SDF2: variants seen among roughly 807,000 people sequenced by gnomAD.
SDF2 encodes stromal cell-derived factor 2.
Under a neutral mutation model 20.5 loss-of-function variants are expected in SDF2, and 12 were observed. That is an observed-to-expected ratio of 0.58 (90% CI 0.37 to 0.95). The LOEUF (loss-of-function observed/expected upper bound fraction) is 0.95, where lower values mean the gene tolerates loss of function less well. Ranked by LOEUF, SDF2 falls within the 40% of genes least tolerant of loss-of-function variation. The pLI, the probability that SDF2 is intolerant of heterozygous loss-of-function variation, is 0.01. For missense variants in SDF2, 238 were observed against 263.1 expected (o/e 0.90, Z 0.66); for synonymous variants, 100 against 101.0 (o/e 0.99, Z 0.06).
intron 1 of SDF2, chr17:28,656,098 G>A (rs987630972): frequency 3.3e-5 from 5 of 151,648 alleles, no homozygotes; most frequent in African/African-American, 1.2e-4. Context: ...AAGAAGGGGT[G>A]GGGAGAAAAA....
intron 1 of SDF2, 52 bp downstream of exon 1, chr17:28,661,674 C>T: frequency 6.3e-7 from 1 of 1,583,450 alleles, no homozygotes; most frequent in South Asian, 1.1e-5. Flanking sequence ...CCCCGCCCCT[C>T]CAGAGCCTCC....
chr17:28,661,584 T>G lies in SDF2; in HGVS notation c.151+142A>C, dbSNP rs376116202. 1.9e-5 allele frequency: 16 copies of G among 834,046 alleles called. No individual in the cohort carries two copies. In the East Asian group the frequency reaches 2.5e-4, roughly 13 times the overall value. 51.7% of individuals were successfully genotyped at this position (834,046 alleles called of 1,614,324 possible). A position where few individuals can be genotyped will look rare whatever the true frequency, so the allele number is the denominator to read the frequency against. On this transcript the variant is annotated intron_variant, in intron 1 of 2. Transcript: ENST00000247020. ...ATTAAGATGCCTTAGAACAATTCAG[T>G]TCTCCGACTCTCTAGACCTGAGGAA...
rs746638847 is a variant in SDF2, at chr17:28,649,024, A to G, written c.601T>C (p.Leu201=). The change falls in exon 3 of 3, where the codon TTG becomes CTG. Residue 201 remains leucine, a synonymous_variant. Transcript: ENST00000247020. Reference sequence around the variant, plus strand: ...GCATGGTGGGCTTCTGCCTTCAACAACTCACTGGGCTTCATGAAGATGCCT... The same window carrying G: ...GCATGGTGGGCTTCTGCCTTCAACAGCTCACTGGGCTTCATGAAGATGCCT... ...MEGIFMKPSE[L]LKAEAHHAEL is the part of the protein sequence containing the mutation. The G allele has an allele frequency of 9.3e-6, 15 of 1,614,170 alleles. No individual in the cohort carries two copies. The South Asian group carries it at 1.5e-4, about 17-fold the overall frequency.
At chr17:28,658,200 C>T (rs1327548004) in intron 1 of SDF2, among the ~76,000 whole-genome samples, 1 of 151,942 alleles carries the variant, frequency 6.6e-6, no homozygotes, top group East Asian at 1.9e-4. Context: ...AATCCTTATA[C>T]CTTGGGATTA....
intron 2 of SDF2, 25 bp from the exon 3 acceptor site, chr17:28,649,301 A>G (rs1170674758): frequency 6.2e-7 from 1 of 1,607,560 alleles, no homozygotes; most frequent in African/African-American, 1.3e-5. Context: ...AGGTAGTAAC[A>G]TCAGCATGGC....
intron 2 of SDF2, among the ~76,000 whole-genome samples, chr17:28,650,904 G>C (rs1009435056): frequency 6.9e-6 from 1 of 144,514 alleles, no homozygotes; most frequent in African/African-American, 2.6e-5. Context: ...CTCACCTCCT[G>C]AGTAGCTAAG....
chr17:28,661,256 C>A (rs1352580081), intron 1 of SDF2: 1 of 428,484 alleles, frequency 2.3e-6, no homozygotes, highest in Non-Finnish European at 4.6e-6. Context: ...CGAGTGAGCT[C>A]TTGGAGTTTA....
At chr17:28,658,731 C>T (rs1045426732) in intron 1 of SDF2, among the ~76,000 whole-genome samples, 6 of 152,258 alleles carry the variant, frequency 3.9e-5, no homozygotes, top group Middle Eastern at 3.4e-3. Flanking sequence ...TCGACAAAAC[C>T]GCCATCGTCA....
intron 2 of SDF2, among the ~76,000 whole-genome samples, chr17:28,655,060 C>T (rs917104152): frequency 3.9e-5 from 6 of 152,182 alleles, no homozygotes; most frequent in Admixed American, 6.5e-5. Flanking sequence ...AACCCAGAGG[C>T]GGAGGTTGCA....
chr17:28,650,803 C>CAAAAAAA (rs57928087), intron 2 of SDF2, among the ~76,000 whole-genome samples: 1 of 19,072 alleles, frequency 5.2e-5, no homozygotes, highest in African/African-American at 1.9e-4. Flanking sequence ...GACTTTGTCT[C>CAAAAAAA]AAAAAAAAAA....
Position 28,655,149 on chromosome 17 carries a change from C to T in SDF2, c.348+138G>A, listed in dbSNP as rs114475845. On this transcript the variant is annotated intron_variant, in intron 2 of 2. Coordinates refer to ENST00000247020, the MANE Select transcript of SDF2 (RefSeq NM_006923.4). ...GTCTCAAAAACAACAAAAACCCACA[C>T]AAAAATAGAGCCATTTCCCCAGGTC... is the stretch of plus-strand genomic sequence containing the variant. The T allele has an allele frequency of 6.1e-6, 5 of 819,824 alleles. No homozygotes were observed. The East Asian group carries it at 7.8e-5, about 13-fold the overall frequency. The allele number at this position is 819,824 out of a possible 1,614,324, so 50.8% of individuals were successfully genotyped here. A position where few individuals can be genotyped will look rare whatever the true frequency, so the allele number is the denominator to read the frequency against.
chr17:28,654,426 T>C (rs1321945542), intron 2 of SDF2, among the ~76,000 whole-genome samples: 10 of 152,064 alleles, frequency 6.6e-5, no homozygotes, highest in Non-Finnish European at 7.4e-5. Flanking sequence ...ACTTATGATA[T>C]GCTGATGTAT....
intron 2 of SDF2, among the ~76,000 whole-genome samples, chr17:28,650,125 T>C (rs1443332005): frequency 6.6e-6 from 1 of 152,000 alleles, no homozygotes; most frequent in African/African-American, 2.4e-5. Context: ...GCTAATTTTG[T>C]ATTTTTAGTA....
intron 1 of SDF2, among the ~76,000 whole-genome samples, chr17:28,659,439 G>A (rs1277660661): frequency 2.7e-5 from 4 of 149,982 alleles, no homozygotes; most frequent in African/African-American, 7.4e-5. Flanking sequence ...CCCAGACAGG[G>A]CGGCCAGGTG....
intron 1 of SDF2, among the ~76,000 whole-genome samples, chr17:28,657,318 G>A (rs1043713494): frequency 1.3e-5 from 2 of 152,124 alleles, no homozygotes; most frequent in Non-Finnish European, 2.9e-5. Context: ...GGAAGGTGAG[G>A]GGAGGATCCC....
chr17:28,655,284 C>T lies in SDF2; in HGVS notation c.348+3G>A, dbSNP rs371703183. Reference sequence around the variant, plus strand: ...AGCAACAATCCATCGAAAGCCACCTCACCTGGTTTCCAGAAAGAGGTGAAG... The same window carrying T: ...AGCAACAATCCATCGAAAGCCACCTTACCTGGTTTCCAGAAAGAGGTGAAG... On this transcript the variant is annotated splice_donor_region_variant and intron_variant, in intron 2 of 2. Coordinates refer to ENST00000247020, the MANE Select transcript of SDF2 (RefSeq NM_006923.4). The T allele has an allele frequency of 7.6e-5, 123 of 1,614,018 alleles. No homozygotes were observed. Among genetic ancestry groups the T allele is most frequent in the Middle Eastern group, 5.1e-4 (3 of 5,934 alleles).
At chr17:28,658,166 T>C (rs1471504046) in intron 1 of SDF2, among the ~76,000 whole-genome samples, 3 of 152,202 alleles carry the variant, frequency 2.0e-5, no homozygotes, top group Admixed American at 6.5e-5. Flanking sequence ...CTGCTTTCTA[T>C]TCAACCGTTC....
chr17:28,662,142 G>C (rs2072061351), upstream of SDF2: 2 of 381,060 alleles, frequency 5.2e-6, no homozygotes, highest in Admixed American at 4.2e-5. Flanking sequence ...TCCGAGAGCG[G>C]GAGAGAGAAC....
At chr17:28,652,576 G>A (rs575122690) in intron 2 of SDF2, among the ~76,000 whole-genome samples, 49 of 152,308 alleles carry the variant, frequency 3.2e-4, no homozygotes, top group African/African-American at 1.0e-3. Flanking sequence ...ACAAAGTGCC[G>A]GGATTATAGG....
Sources: gnomAD v4.1 joint callset for allele counts (sites outside exome capture counted in the v4.1 genomes callset) on GRCh38, gnomAD v4.1.1 for gene constraint, MANE v1.5 for transcripts, NCBI Gene and HGNC (gene_info 2026-07-23, HGNC 2026-07-21) for gene names.